The following ACOT12 variants were observed in gnomAD, a reference collection of about 807,000 sequenced individuals.
ACOT12 encodes the protein acyl-CoA thioesterase 12.
In ACOT12, 51 loss-of-function variants were observed where a neutral mutation model predicts 67.7. The observed-to-expected ratio is 0.75, with a 90% CI of 0.60 to 0.95. ACOT12 has a LOEUF of 0.95. Among genes scored for constraint, ACOT12 ranks in the 40% least tolerant of loss-of-function variants. The probability of loss-of-function intolerance (pLI) is 0.00; values close to 1 mark genes in which losing one functional copy is unlikely to be tolerated. For missense variants in ACOT12, 734 were observed against 708.1 expected (o/e 1.04, Z -0.41); for synonymous variants, 251 against 244.6 (o/e 1.03, Z -0.24).
At chr5:81,387,594 A>G (rs1311010239) in intron 1 of ACOT12, among the ~76,000 whole-genome samples, 1 of 147,188 alleles carries the variant, frequency 6.8e-6, no homozygotes, top group Non-Finnish European at 1.5e-5. Flanking sequence ...GTGCAGTGGC[A>G]CGAGCATAGC....
chr5:81,326,800 G>T (rs114270484), downstream of ACOT12, among the ~76,000 whole-genome samples: 170 of 152,284 alleles, frequency 1.1e-3, 2 homozygotes, highest in African/African-American at 4.0e-3. Flanking sequence ...TACAGAAATT[G>T]CTCAGAATTG....
chr5:81,333,537 C>A (rs1274255174), intron 12 of ACOT12, among the ~76,000 whole-genome samples: 1 of 152,174 alleles, frequency 6.6e-6, no homozygotes, highest in Admixed American at 6.5e-5. Flanking sequence ...GATTAGAATT[C>A]ATTCATTCAC....
In ACOT12 at chr5:81,358,837, G is replaced by A. The variant is rs542942852; in HGVS notation, c.496+1066C>T. Among the ~76,000 whole-genome samples the A allele has an allele frequency of 3.2e-3, 474 of 148,524 alleles. 1 individual carries two copies. The highest frequency in any genetic ancestry group is 0.014 in the Middle Eastern group (4 of 294). ...GCACTCCAGCCTGGGCAACAAGAGC[G>A]AAACTCTGTCTCAAAGAAAAAAAAA... is the stretch of plus-strand genomic sequence containing the variant. On this transcript the variant is annotated intron_variant, in intron 5 of 14. Coordinates refer to ENST00000307624, the MANE Select transcript of ACOT12 (RefSeq NM_130767.3).
chr5:81,379,203 C>A (rs1290300029), intron 2 of ACOT12, among the ~76,000 whole-genome samples: 1 of 151,874 alleles, frequency 6.6e-6, no homozygotes, highest in Non-Finnish European at 1.5e-5. Flanking sequence ...AGCTGGAAAC[C>A]GTCATTCTCA....
the ACOT12 span, among the ~76,000 whole-genome samples, chr5:81,320,798 G>C: frequency 2.6e-5 from 4 of 152,276 alleles, no homozygotes; most frequent in East Asian, 1.9e-4. Context: ...TTTGTGTTTT[G>C]TTTTGTTTTG....
intron 2 of ACOT12, among the ~76,000 whole-genome samples, chr5:81,375,289 G>A (rs1177812685): frequency 6.6e-6 from 1 of 152,142 alleles, no homozygotes; most frequent in Non-Finnish European, 1.5e-5. Flanking sequence ...GCAGGCAAAT[G>A]CTGAGAGACA....
chr5:81,310,157 TA>T, the ACOT12 span, among the ~76,000 whole-genome samples: 568 of 104,744 alleles, frequency 5.4e-3, 3 homozygotes, highest in South Asian at 6.5e-3. Context: ...TGACTAGCTG[TA>T]AAAAAAAAAA....
intron 13 of ACOT12, 83 bp from the exon 14 acceptor site, chr5:81,331,023 C>G: frequency 7.0e-7 from 1 of 1,422,778 alleles, no homozygotes; most frequent in Non-Finnish European, 9.3e-7. Flanking sequence ...ACCCAATTTA[C>G]TTATACAGGT....
chr5:81,342,856 G>A (rs1203804752), intron 10 of ACOT12, 101 bp from the exon 11 acceptor site: 14 of 1,178,338 alleles, frequency 1.2e-5, no homozygotes, highest in Non-Finnish European at 1.7e-5. Context: ...GAGGAGGTAT[G>A]TGTTGAGTCC....
intron 3 of ACOT12, among the ~76,000 whole-genome samples, chr5:81,366,850 A>G (rs533897877): frequency 2.6e-5 from 4 of 152,330 alleles, no homozygotes; most frequent in African/African-American, 9.6e-5. Flanking sequence ...AGAATGTAGC[A>G]TGAAGAGAAA....
chr5:81,356,702 G>T (rs1759726864), intron 5 of ACOT12, among the ~76,000 whole-genome samples: 1 of 151,774 alleles, frequency 6.6e-6, no homozygotes, highest in Admixed American at 6.6e-5. Flanking sequence ...AGACACCCAG[G>T]AGTCAGCCTA....
chr5:81,382,604 C>A (rs139426748), intron 2 of ACOT12, among the ~76,000 whole-genome samples: 2,693 of 152,080 alleles, frequency 0.018, 88 homozygotes, highest in African/African-American at 0.062. Context: ...TGAGACCAGC[C>A]TGGCCAACAT....
intron 2 of ACOT12, among the ~76,000 whole-genome samples, chr5:81,381,636 C>G (rs1205773446): frequency 6.6e-6 from 1 of 151,698 alleles, no homozygotes; most frequent in Non-Finnish European, 1.5e-5. Flanking sequence ...AAGGATACAG[C>G]ACAAAATAAA....
Position 81,384,065 on chromosome 5 carries a change from A to G in ACOT12, c.197+1692T>C, listed in dbSNP as rs1323141208. Among the ~76,000 whole-genome samples, 4 of 151,410 alleles carry G rather than the reference A, an allele frequency of 2.6e-5. No homozygotes were observed. In the East Asian group the frequency reaches 7.7e-4, roughly 29 times the overall value. The stretch of plus-strand genomic sequence containing the variant: ...ACTGACTCCTGCACTCCTGCAGAGC[A>G]ACTTCCAGCCTTCCAAGCTCCATTC... On this transcript the variant is annotated intron_variant, in intron 2 of 14. Transcript: ENST00000307624.
chr5:81,363,056 G>C (rs1284008492), intron 4 of ACOT12, among the ~76,000 whole-genome samples: 1 of 152,108 alleles, frequency 6.6e-6, no homozygotes, highest in Non-Finnish European at 1.5e-5. Flanking sequence ...GCTAGGAGAA[G>C]CCACTGTGTC....
Position 81,344,921 on chromosome 5 carries a change from G to C in ACOT12, c.894C>G (p.Ile298Met). Residue 298 changes from isoleucine to methionine, a missense_variant, in exon 8 of 15, where the codon ATC becomes ATG. By Grantham distance (10) the Ile-to-Met change is conservative. Transcript: ENST00000307624. ...AAATGGGTTGGATTCTGGGAAACGT[G>C]ATGAGATTTTCCTTATCATCAGCAG... is the stretch of plus-strand genomic sequence containing the variant. ...YNAADDKENL[I>M]TFPRIQPISK... 1 of 1,614,196 alleles carries C rather than the reference G, an allele frequency of 6.2e-7. No homozygotes were observed. Among genetic ancestry groups the C allele is most frequent in the Non-Finnish European group, 8.5e-7 (1 of 1,180,034 alleles).
At chr5:81,344,527 C>T (rs1759311518) in intron 8 of ACOT12, among the ~76,000 whole-genome samples, 4 of 152,162 alleles carry the variant, frequency 2.6e-5, no homozygotes, top group Admixed American at 2.6e-4. Flanking sequence ...CATTGGCAAT[C>T]AGGTAATTTA....
chr5:81,386,261 C>G (rs1024488084), intron 1 of ACOT12, among the ~76,000 whole-genome samples: 1 of 152,204 alleles, frequency 6.6e-6, no homozygotes, highest in Admixed American at 6.5e-5. Context: ...ACCGTAAGCA[C>G]TTGAGCGGTA....
chr5:81,381,201 G>A lies in ACOT12; in HGVS notation c.197+4556C>T, dbSNP rs182417516. Reference sequence around the variant, plus strand: ...CCTGCCTCAGCTTCCCGAATAGCTGGGATTACAGGCGCGTGCCACCACACC... The same window carrying A: ...CCTGCCTCAGCTTCCCGAATAGCTGAGATTACAGGCGCGTGCCACCACACC... On this transcript the variant is annotated intron_variant, in intron 2 of 14. Transcript: ENST00000307624. Among the ~76,000 whole-genome samples the A allele has an allele frequency of 9.2e-5, 14 of 152,072 alleles. No homozygotes were observed. The East Asian group carries it at 2.5e-3, about 27-fold the overall frequency.
Sources: allele counts gnomAD v4.1 joint callset (sites outside exome capture counted in the v4.1 genomes callset), GRCh38; gene constraint gnomAD v4.1.1; transcripts MANE v1.5; gene names NCBI Gene and HGNC (gene_info 2026-07-23, HGNC 2026-07-21).